CCDC190: variants seen among roughly 807,000 people sequenced by gnomAD.
The protein encoded by CCDC190 is coiled-coil domain-containing protein 190.
CCDC190 carries 10 observed loss-of-function variants against 13.1 expected under a neutral mutation model. That is an observed-to-expected ratio of 0.77 (90% CI 0.47 to 1.30). The LOEUF (loss-of-function observed/expected upper bound fraction) is 1.30. Ranked by LOEUF, CCDC190 falls within the 50% of genes most tolerant of loss-of-function variation. The pLI is 0.00. For missense variants in CCDC190, 375 were observed against 354.3 expected, an observed-to-expected ratio of 1.06 and a Z score of -0.47; for synonymous variants, 136 against 127.2, an observed-to-expected ratio of 1.07 and a Z score of -0.47.
At position 162,854,357 on chromosome 1, in the gene CCDC190, C is replaced by T. The variant is rs1650209262; in HGVS notation, c.*408G>A. The T allele has an allele frequency of 3.0e-6, 3 of 999,780 alleles. No individual in the cohort carries two copies. The highest frequency in any genetic ancestry group is 3.6e-6 in the Non-Finnish European group (3 of 838,100). 61.9% of individuals were successfully genotyped at this position (999,780 alleles called of 1,614,324 possible). A position where few individuals can be genotyped will look rare whatever the true frequency, so the allele number is the denominator to read the frequency against. ...TACAGTACCTATTTACAATCACATTCCTATTCCTACCACTACTATATATCA... is the reference window on the plus strand; with the variant it reads ...TACAGTACCTATTTACAATCACATTTCTATTCCTACCACTACTATATATCA... On this transcript the variant is annotated 3_prime_UTR_variant, in exon 4 of 4. Coordinates refer to ENST00000367912, the MANE Select transcript of CCDC190 (RefSeq NM_001394065.1).
chr1:162,855,218 T>C lies in CCDC190; in HGVS notation c.453A>G (p.Lys151=). ...SQNNRTACFI[K]EQPQAQEKDS... is the part of the protein sequence containing the mutation. ...CTTTCTCTTGGGCTTGTGGTTGCTC[T>C]TTTATGAAGCAGGCAGTTCTGTTAT... The change falls in exon 4 of 4, where the codon AAA becomes AAG. Residue 151 remains lysine, a synonymous_variant. Transcript: ENST00000367912. The C allele has an allele frequency of 1.2e-6, 2 of 1,613,990 alleles. No homozygotes were observed. Among genetic ancestry groups the C allele is most frequent in the Non-Finnish European group, 1.7e-6 (2 of 1,179,878 alleles).
At chr1:162,867,000 A>C (rs555634059) in intron 1 of CCDC190, among the ~76,000 whole-genome samples, 1 of 152,278 alleles carries the variant, frequency 6.6e-6, no homozygotes, top group African/African-American at 2.4e-5. Flanking sequence ...TTCTAGAAGA[A>C]AAATAAGAAA....
chr1:162,864,362 A>G (rs1650627517), upstream of CCDC190, among the ~76,000 whole-genome samples: 1 of 152,186 alleles, frequency 6.6e-6, no homozygotes, highest in African/African-American at 2.4e-5. Flanking sequence ...CCTACAGTTC[A>G]AGAAACGTTA....
At position 162,851,379 on chromosome 1, in the gene CCDC190, T is replaced by G. The variant is rs1650105221; in HGVS notation, c.*3386A>C. 1 of 150,282 alleles carries G rather than the reference T, an allele frequency of 6.7e-6. No homozygotes were observed. Among genetic ancestry groups the G allele is most frequent in the South Asian group, 2.1e-4 (1 of 4,696 alleles). The allele number at this position is 150,282 out of a possible 1,614,324, so 9.3% of individuals were successfully genotyped here. Reference sequence around the variant, plus strand: ...TAGAGCTGCTGACATCTGTTTGGACTGGTACCCTCTGCTTCCCTGGTACTC... The same window carrying G: ...TAGAGCTGCTGACATCTGTTTGGACGGGTACCCTCTGCTTCCCTGGTACTC... On this transcript the variant is annotated 3_prime_UTR_variant, in exon 4 of 4. Coordinates refer to ENST00000367912, the MANE Select transcript of CCDC190 (RefSeq NM_001394065.1).
At chr1:162,861,849 G>T (rs575716745), upstream of CCDC190, among the ~76,000 whole-genome samples, 2 of 152,152 alleles carry the variant, frequency 1.3e-5, no homozygotes, top group Non-Finnish European at 2.9e-5. Flanking sequence ...AGTCTAAATA[G>T]AGCTGCCAAC....
rs1558109415 is a variant in CCDC190, at chr1:162,853,087, G to T, written c.*1678C>A. 1 of 1,540,970 alleles carries T rather than the reference G, an allele frequency of 6.5e-7. No individual in the cohort carries two copies. Among genetic ancestry groups the T allele is most frequent in the Non-Finnish European group, 8.8e-7 (1 of 1,138,320 alleles). ...CTGTTGCTTTGCTTCATGGAAGAAA[G>T]TGTTGGAGGAAGCAGATTTCTTGTG... On this transcript the variant is annotated 3_prime_UTR_variant, in exon 4 of 4. Coordinates refer to ENST00000367912, the MANE Select transcript of CCDC190 (RefSeq NM_001394065.1).
upstream of CCDC190, among the ~76,000 whole-genome samples, chr1:162,861,526 C>T (rs985651821): frequency 6.6e-6 from 1 of 151,876 alleles, no homozygotes; most frequent in African/African-American, 2.4e-5. Flanking sequence ...AAGAAAGCAC[C>T]GTTTTTTCTG....
At chr1:162,855,602 T>C (rs768289439) in intron 3 of CCDC190, 30 bp downstream of exon 3, 3 of 1,609,686 alleles carry the variant, frequency 1.9e-6, no homozygotes, top group Non-Finnish European at 1.7e-6. Context: ...CTTAATGTCA[T>C]ACCCATGGGT....
upstream of CCDC190, among the ~76,000 whole-genome samples, chr1:162,862,659 T>C (rs1022487360): frequency 2.6e-4 from 39 of 152,134 alleles, no homozygotes; most frequent in Non-Finnish European, 7.4e-5. Flanking sequence ...TATGGGAACA[T>C]AGGAACACAA....
chr1:162,868,459 C>A (rs1650783873), intron 1 of CCDC190, among the ~76,000 whole-genome samples: 1 of 152,190 alleles, frequency 6.6e-6, no homozygotes, highest in African/African-American at 2.4e-5. Context: ...AGCTCCAGAT[C>A]AACTGCAAGA....
At position 162,859,578 on chromosome 1, in the gene CCDC190, C is replaced by T. The variant is rs1650426965; in HGVS notation, c.69G>A (p.Gln23=). 6 of 1,613,948 alleles carry T rather than the reference C, an allele frequency of 3.7e-6. No homozygotes were observed. In the East Asian group the frequency reaches 1.3e-4, roughly 36 times the overall value. ...GTCTTTGGTCCAGTCTGGCTTCAGC[C>T]TGCTTGGCATTCTTCCTCTCCAAAT... ...HFDLERKNAK[Q]AEARLDQRLQ... Residue 23 remains glutamine (Q), a synonymous_variant, in exon 2 of 4, where the codon CAG becomes CAA. Transcript: ENST00000367912.
At position 162,852,839 on chromosome 1, in the gene CCDC190, A is replaced by C; in HGVS notation, c.*1926T>G. 1 of 430,980 alleles carries C rather than the reference A, an allele frequency of 2.3e-6. No individual in the cohort carries two copies. Among genetic ancestry groups the C allele is most frequent in the South Asian group, 3.1e-5 (1 of 31,798 alleles). The allele number at this position is 430,980 out of a possible 1,614,324, so 26.7% of individuals were successfully genotyped here. A position where few individuals can be genotyped will look rare whatever the true frequency, so the allele number is the denominator to read the frequency against. ...GTGAAAAGACCCACTTAGCAGTGACAAACCATTCACTCAGGACTCAGCCTT... is the reference window on the plus strand; with the variant it reads ...GTGAAAAGACCCACTTAGCAGTGACCAACCATTCACTCAGGACTCAGCCTT... On this transcript the variant is annotated 3_prime_UTR_variant, in exon 4 of 4. Transcript: ENST00000367912.
chr1:162,867,120 C>A (rs1283388064), intron 1 of CCDC190, among the ~76,000 whole-genome samples: 3 of 151,206 alleles, frequency 2.0e-5, no homozygotes, highest in African/African-American at 7.3e-5. Context: ...AAATTAAAAC[C>A]TTCTGTTCTT....
chr1:162,867,069 C>G (rs1196554927), intron 1 of CCDC190, among the ~76,000 whole-genome samples: 1 of 151,424 alleles, frequency 6.6e-6, no homozygotes, highest in African/African-American at 2.4e-5. Context: ...AAAAAAAGAC[C>G]AAACTATAAA....
At chr1:162,857,248 C>G (rs1326532309) in intron 2 of CCDC190, among the ~76,000 whole-genome samples, 1 of 152,164 alleles carries the variant, frequency 6.6e-6, no homozygotes, top group Non-Finnish European at 1.5e-5. Flanking sequence ...GAAACCATGG[C>G]CTGAACTTTG....
rs570329753 is a variant in CCDC190, at chr1:162,853,191, C to G, written c.*1574G>C. The G allele has an allele frequency of 6.5e-7, 1 of 1,527,050 alleles. No homozygotes were observed. The highest frequency in any genetic ancestry group is 1.2e-5 in the South Asian group (1 of 80,770). The allele number at this position is 1,527,050 out of a possible 1,614,324, so 94.6% of individuals were successfully genotyped here. On this transcript the variant is annotated 3_prime_UTR_variant, in exon 4 of 4. Coordinates refer to ENST00000367912, the MANE Select transcript of CCDC190 (RefSeq NM_001394065.1). Reference sequence around the variant, plus strand: ...TGAAACTGACTCTCAAATGTTTGATCTAAGTTTTTGTCTTCAGATAGGTGG... The same window carrying G: ...TGAAACTGACTCTCAAATGTTTGATGTAAGTTTTTGTCTTCAGATAGGTGG...
At position 162,853,227 on chromosome 1, in the gene CCDC190, T is replaced by A; in HGVS notation, c.*1538A>T. ...TCTTCAGATAGGTGGTAGTGTGGTG[T>A]AATGAAAGAGCATGAGCAAGGAAAT... On this transcript the variant is annotated 3_prime_UTR_variant, in exon 4 of 4. Coordinates refer to ENST00000367912, the MANE Select transcript of CCDC190 (RefSeq NM_001394065.1). 1 of 1,307,038 alleles carries A rather than the reference T, an allele frequency of 7.7e-7. No individual in the cohort carries two copies. The highest frequency in any genetic ancestry group is 1.0e-6 in the Non-Finnish European group (1 of 958,874). 81.0% of individuals were successfully genotyped at this position (1,307,038 alleles called of 1,614,324 possible).
At position 162,853,311 on chromosome 1, in the gene CCDC190, T is replaced by C. The variant is rs1242100387; in HGVS notation, c.*1454A>G. 4.7e-5 allele frequency: 26 copies of C among 553,742 alleles called. No individual in the cohort carries two copies. Among genetic ancestry groups the C allele is most frequent in the Non-Finnish European group, 3.1e-6 (1 of 319,826 alleles). The allele number at this position is 553,742 out of a possible 1,614,324, so 34.3% of individuals were successfully genotyped here. On this transcript the variant is annotated 3_prime_UTR_variant, in exon 4 of 4. Coordinates refer to ENST00000367912, the MANE Select transcript of CCDC190 (RefSeq NM_001394065.1). ...TCTATTAGCAAGTTACCACCACTCTTCCCTCTATTTCCTTATCTGTAAAAT... is the reference window on the plus strand; with the variant it reads ...TCTATTAGCAAGTTACCACCACTCTCCCCTCTATTTCCTTATCTGTAAAAT...
In CCDC190 at chr1:162,853,820, A is replaced by G. The variant is rs1408493273; in HGVS notation, c.*945T>C. On this transcript the variant is annotated 3_prime_UTR_variant, in exon 4 of 4. Coordinates refer to ENST00000367912, the MANE Select transcript of CCDC190 (RefSeq NM_001394065.1). ...AGATGGTTTTCCTGATAGAGTCAGT[A>G]TAGATAAAAAGTGGTGATGATTTTA... Among the ~76,000 whole-genome samples the G allele has an allele frequency of 6.6e-6, 1 of 152,204 alleles. No individual in the cohort carries two copies. The highest frequency in any genetic ancestry group is 1.5e-5 in the Non-Finnish European group (1 of 68,018).
Sources: gnomAD v4.1 joint callset for allele counts (sites outside exome capture counted in the v4.1 genomes callset) on GRCh38, gnomAD v4.1.1 for gene constraint, MANE v1.5 for transcripts, NCBI Gene and HGNC (gene_info 2026-07-23, HGNC 2026-07-21) for gene names.